Variants in EXT2 observed in about 807,000 individuals in gnomAD.
The protein encoded by EXT2 is exostosin-2.
A neutral mutation model predicts 81.6 loss-of-function variants in EXT2; 53 were observed. The ratio of observed to expected loss-of-function variants is 0.65; its 90% confidence interval spans 0.52 to 0.82. EXT2 has a LOEUF of 0.82. EXT2 is among the 40% of genes least tolerant of loss of function. The probability of loss-of-function intolerance (pLI) is 0.00; values close to 1 mark genes in which losing one functional copy is unlikely to be tolerated. For missense variants in EXT2, 774 were observed against 910.2 expected, an observed-to-expected ratio of 0.85 and a Z score of 1.93; for synonymous variants, 320 against 340.0, an observed-to-expected ratio of 0.94 and a Z score of 0.65.
intron 6 of EXT2, among the ~76,000 whole-genome samples, chr11:44,128,766 G>T (rs1438824589): frequency 6.6e-6 from 1 of 152,180 alleles, no homozygotes; most frequent in African/African-American, 2.4e-5. Flanking sequence ...TCTCTCACTG[G>T]CTGGCTTTTT....
At chr11:44,183,720 T>G (rs1955268798) in intron 8 of EXT2, among the ~76,000 whole-genome samples, 1 of 152,196 alleles carries the variant, frequency 6.6e-6, no homozygotes, top group Non-Finnish European at 1.5e-5. Flanking sequence ...GACTAATGTG[T>G]TTTTTACCCA....
intron 7 of EXT2, among the ~76,000 whole-genome samples, chr11:44,142,993 C>T (rs1954666017): frequency 6.6e-6 from 1 of 152,220 alleles, no homozygotes; most frequent in Admixed American, 6.5e-5. Flanking sequence ...ACTCTGTCGC[C>T]TAGGCTGGAG....
At chr11:44,120,355 G>A (rs1297779310) in intron 4 of EXT2, among the ~76,000 whole-genome samples, 1 of 152,222 alleles carries the variant, frequency 6.6e-6, no homozygotes, top group Non-Finnish European at 1.5e-5. Flanking sequence ...GCTGCGCTGA[G>A]CATGTACCTC....
At chr11:44,103,855 T>G (rs1405796591) in intron 1 of EXT2, 1 of 194,960 alleles carries the variant, frequency 5.1e-6, no homozygotes, top group Non-Finnish European at 1.1e-5. Context: ...TTTAGAGTTA[T>G]GTTCCCCTTT....
intron 7 of EXT2, among the ~76,000 whole-genome samples, chr11:44,167,109 T>C (rs192014796): frequency 6.6e-5 from 10 of 152,290 alleles, no homozygotes; most frequent in Admixed American, 6.5e-4. Flanking sequence ...TCCAAGAGTA[T>C]GGGGTCCCAG....
rs1222283325 is a variant in EXT2 at position 44,251,585 on chromosome 11, G to T, written c.*7298G>T. On this transcript the variant is annotated 3_prime_UTR_variant, in exon 14 of 14. Coordinates refer to ENST00000533608, the MANE Select transcript of EXT2 (RefSeq NM_207122.2). ...CAGATTACTCTGGTTAAATCACTCA[G>T]TAAAGAAATCTTTTCATGCTCACAA... 6.6e-6 allele frequency among the ~76,000 whole-genome samples: 1 copy of T among 152,134 alleles called. No individual in the cohort carries two copies. Among genetic ancestry groups the T allele is most frequent in the Admixed American group, 6.5e-5 (1 of 15,272 alleles).
intron 10 of EXT2, among the ~76,000 whole-genome samples, chr11:44,231,211 G>A (rs1287690741): frequency 1.3e-5 from 2 of 152,110 alleles, no homozygotes; most frequent in Non-Finnish European, 2.9e-5. Flanking sequence ...AGAGGGAATG[G>A]CACTAGAGGT....
At chr11:44,096,796 A>G (rs563560797) in intron 1 of EXT2, among the ~76,000 whole-genome samples, 2 of 152,304 alleles carry the variant, frequency 1.3e-5, no homozygotes, top group South Asian at 4.1e-4. Context: ...AAGGTTCTTG[A>G]CTTATTTATG....
intron 3 of EXT2, among the ~76,000 whole-genome samples, chr11:44,109,668 T>C (rs1443000124): frequency 1.3e-5 from 2 of 152,158 alleles, no homozygotes; most frequent in East Asian, 3.9e-4. Context: ...AAGCCTATAA[T>C]GTAGAGGGTA....
At chr11:44,171,074 AG>A (rs1419024178) in intron 7 of EXT2, among the ~76,000 whole-genome samples, 3 of 152,348 alleles carry the variant, frequency 2.0e-5, no homozygotes, top group African/African-American at 7.2e-5. Context: ...GACACAGAAG[AG>A]TAAATACTGT....
intron 10 of EXT2, among the ~76,000 whole-genome samples, chr11:44,230,741 C>A (rs1039272262): frequency 6.6e-6 from 1 of 152,190 alleles, no homozygotes; most frequent in African/African-American, 2.4e-5. Flanking sequence ...GCCTTAATAA[C>A]GCCTTGCTTT....
intron 9 of EXT2, among the ~76,000 whole-genome samples, chr11:44,202,289 G>A (rs981764222): frequency 1.3e-5 from 2 of 152,170 alleles, no homozygotes; most frequent in African/African-American, 2.4e-5. Context: ...TGAACAGTGC[G>A]GAAAGCTGTC....
intron 4 of EXT2, among the ~76,000 whole-genome samples, chr11:44,119,165 T>TACATAC (rs1565201281): frequency 4.2e-5 from 2 of 48,044 alleles, no homozygotes; most frequent in African/African-American, 6.3e-5. Flanking sequence ...TATATATATA[T>TACATAC]ATATACACAT....
At chr11:44,205,762 A>T (rs2135201706) in intron 9 of EXT2, among the ~76,000 whole-genome samples, 1 of 152,304 alleles carries the variant, frequency 6.6e-6, no homozygotes, top group Non-Finnish European at 1.5e-5. Flanking sequence ...GCGCTTTGGG[A>T]CTTCAAGACC....
At chr11:44,187,860 A>G (rs1053463520) in intron 8 of EXT2, among the ~76,000 whole-genome samples, 1 of 152,178 alleles carries the variant, frequency 6.6e-6, no homozygotes, top group African/African-American at 2.4e-5. Flanking sequence ...TGGAGGTCCA[A>G]AAAAGTATGT....
chr11:44,108,335 C>A, intron 2 of EXT2, 87 bp downstream of exon 2: 1 of 1,438,540 alleles, frequency 7.0e-7, no homozygotes. Context: ...GGGAATGCTT[C>A]TGCTCTTGAG....
chr11:44,146,711 A>G (rs939472793), intron 7 of EXT2, among the ~76,000 whole-genome samples: 14 of 152,210 alleles, frequency 9.2e-5, no homozygotes, highest in Non-Finnish European at 1.9e-4. Context: ...TATTAAGCCT[A>G]ATAAATGCTC....
At chr11:44,168,823 A>G (rs1955030727) in intron 7 of EXT2, among the ~76,000 whole-genome samples, 1 of 152,238 alleles carries the variant, frequency 6.6e-6, no homozygotes, top group Non-Finnish European at 1.5e-5. Context: ...AGTGAAATAA[A>G]TAACAAAATA....
intron 6 of EXT2, among the ~76,000 whole-genome samples, chr11:44,127,734 G>A (rs1954429542): frequency 6.6e-6 from 1 of 152,200 alleles, no homozygotes; most frequent in African/African-American, 2.4e-5. Flanking sequence ...AATTCTTGGG[G>A]ATTCTGAATG....
Sources: allele counts gnomAD v4.1 joint callset (sites outside exome capture counted in the v4.1 genomes callset), GRCh38; gene constraint gnomAD v4.1.1; transcripts MANE v1.5; gene names NCBI Gene and HGNC (gene_info 2026-07-23, HGNC 2026-07-21).